The following PAN3 variants were observed in gnomAD, a reference collection of about 807,000 sequenced individuals.
PAN3 encodes poly(A) specific ribonuclease subunit PAN3.
PAN3 carries 19 observed loss-of-function variants against 96.2 expected under a neutral mutation model. The observed-to-expected ratio is 0.20, with a 90% CI of 0.14 to 0.29. The LOEUF is 0.29. Ranked by LOEUF, PAN3 falls within the 10% of genes least tolerant of loss-of-function variation. The pLI, the probability that PAN3 is intolerant of heterozygous loss-of-function variation, is 1.00. For synonymous variants in PAN3, 433 were observed against 406.6 expected (o/e 1.06, Z -0.78); for missense variants, 882 against 1,108.1 (o/e 0.80, Z 2.90).
At chr13:28,216,336 G>A (rs1451838120) in intron 5 of PAN3, among the ~76,000 whole-genome samples, 3 of 152,126 alleles carry the variant, frequency 2.0e-5, no homozygotes, top group Admixed American at 6.5e-5. Flanking sequence ...GAGCAGAGAG[G>A]GGTGGAAAGG....
intron 5 of PAN3, among the ~76,000 whole-genome samples, chr13:28,203,675 C>A (rs552556531): frequency 1.3e-5 from 2 of 152,238 alleles, no homozygotes; most frequent in South Asian, 4.1e-4. Flanking sequence ...TGTTAGAGAT[C>A]TTCCATCTTA....
chr13:28,151,152 G>C (rs1202378980), intron 1 of PAN3, among the ~76,000 whole-genome samples: 1 of 152,122 alleles, frequency 6.6e-6, no homozygotes, highest in Non-Finnish European at 1.5e-5. Flanking sequence ...TGTGGAGTGA[G>C]GAACAGGGAA....
intron 1 of PAN3, among the ~76,000 whole-genome samples, chr13:28,170,240 A>C (rs1308875764): frequency 1.3e-5 from 2 of 152,152 alleles, no homozygotes; most frequent in Non-Finnish European, 2.9e-5. Flanking sequence ...TATAGTGAAA[A>C]TAACTACCAG....
chr13:28,240,103 T>G (rs1051767366), intron 6 of PAN3: 3 of 152,416 alleles, frequency 2.0e-5, no homozygotes, highest in African/African-American at 7.2e-5. Context: ...AGTAAATATT[T>G]TGCTAGTTTA....
At chr13:28,149,980 A>G (rs1171105722) in intron 1 of PAN3, among the ~76,000 whole-genome samples, 8 of 152,190 alleles carry the variant, frequency 5.3e-5, no homozygotes, top group Non-Finnish European at 1.2e-4. Context: ...CAGCAGTTAT[A>G]TAGTTGGAAA....
intron 13 of PAN3, 111 bp downstream of exon 13, chr13:28,270,977 G>A: frequency 7.1e-5 from 75 of 1,053,616 alleles, no homozygotes; most frequent in South Asian, 3.2e-4. Context: ...CCATCCAGAA[G>A]AACTTCTGTA....
At chr13:28,164,648 C>G (rs2138046796) in intron 1 of PAN3, among the ~76,000 whole-genome samples, 1 of 152,316 alleles carries the variant, frequency 6.6e-6, no homozygotes, top group South Asian at 2.1e-4. Context: ...TACACACATC[C>G]TGGGAAGTTG....
rs554577213 is a variant in PAN3, at chr13:28,292,498, T to G, written c.2640T>G (p.Ile880Met). Reference protein sequence around the residue: ...RCFENTFQELIAAANGQL With the variant: ...RCFENTFQELMAAANGQL ...TTGAAAATACTTTTCAAGAACTGAT[T>G]GCAGCTGCAAATGGTCAGTTGTAGT... is the stretch of plus-strand genomic sequence containing the variant. The change falls in exon 19 of 19, where the codon ATT becomes ATG. Residue 880 changes from isoleucine (I) to methionine (M), a missense_variant. Ile to Met is a conservative substitution (Grantham distance 10). Transcript: ENST00000380958. 1.2e-6 allele frequency: 2 copies of G among 1,612,244 alleles called. No individual in the cohort carries two copies. Among genetic ancestry groups the G allele is most frequent in the Admixed American group, 3.3e-5 (2 of 59,836 alleles).
At chr13:28,142,553 G>T (rs1454250235) in intron 1 of PAN3, among the ~76,000 whole-genome samples, 1 of 146,824 alleles carries the variant, frequency 6.8e-6, no homozygotes, top group Non-Finnish European at 1.5e-5. Context: ...ACAGGCACTG[G>T]CTACCAAGCA....
chr13:28,267,977 A>T (rs967732527), intron 12 of PAN3, among the ~76,000 whole-genome samples: 2 of 152,246 alleles, frequency 1.3e-5, no homozygotes, highest in Admixed American at 1.3e-4. Flanking sequence ...TACTAAGATA[A>T]GATAGATTTT....
intron 1 of PAN3, among the ~76,000 whole-genome samples, chr13:28,141,826 A>G (rs1869893719): frequency 6.6e-6 from 1 of 152,188 alleles, no homozygotes; most frequent in Non-Finnish European, 1.5e-5. Context: ...GGATGTAAGC[A>G]GATGAAGATG....
chr13:28,272,019 C>G lies in PAN3; in HGVS notation c.1997C>G (p.Thr666Arg). 6.3e-7 allele frequency: 1 copy of G among 1,592,082 alleles called. No individual in the cohort carries two copies. Among genetic ancestry groups the G allele is most frequent in the Non-Finnish European group, 8.6e-7 (1 of 1,164,898 alleles). ...VNCVGVFDVL[T>R]FDNSQNNNPL... is the part of the protein sequence containing the mutation. ...TGTGTTGGAGTTTTTGATGTTTTAACATTTGATAACAGTCAAAATAATAAT... is the reference window on the plus strand; with the variant it reads ...TGTGTTGGAGTTTTTGATGTTTTAAGATTTGATAACAGTCAAAATAATAAT... Residue 666 changes from threonine to arginine, a missense_variant, in exon 14 of 19, where the codon ACA becomes AGA. By Grantham distance (71) the Thr-to-Arg change is moderately conservative (BLOSUM62 -1). Transcript: ENST00000380958.
intron 7 of PAN3, among the ~76,000 whole-genome samples, chr13:28,258,835 T>C (rs1885434270): frequency 6.6e-6 from 1 of 152,234 alleles, no homozygotes; most frequent in East Asian, 1.9e-4. Context: ...ATAGATCTTA[T>C]ACACATCCTC....
chr13:28,160,116 A>G (rs1223154864), intron 1 of PAN3, among the ~76,000 whole-genome samples: 3 of 151,648 alleles, frequency 2.0e-5, no homozygotes, highest in African/African-American at 4.8e-5. Context: ...CAATTTTTGT[A>G]TTTTTGGTAG....
At chr13:28,139,737 T>C (rs1169838033) in intron 1 of PAN3, among the ~76,000 whole-genome samples, 1 of 152,074 alleles carries the variant, frequency 6.6e-6, no homozygotes, top group African/African-American at 2.4e-5. Context: ...AGTAGGGATT[T>C]CACAAAGACG....
intron 5 of PAN3, among the ~76,000 whole-genome samples, chr13:28,218,978 C>G (rs1034101010): frequency 6.6e-6 from 1 of 152,168 alleles, no homozygotes; most frequent in Non-Finnish European, 1.5e-5. Context: ...CCGGCCCTGA[C>G]ATACTTTTCA....
At chr13:28,278,956 T>A (rs1887262229) in intron 15 of PAN3, among the ~76,000 whole-genome samples, 1 of 151,786 alleles carries the variant, frequency 6.6e-6, no homozygotes, top group Non-Finnish European at 1.5e-5. Context: ...TGAACAAAAT[T>A]CCCATCTTCT....
intron 6 of PAN3, among the ~76,000 whole-genome samples, chr13:28,224,815 G>GT (rs2138404650): frequency 1.3e-5 from 2 of 152,144 alleles, no homozygotes; most frequent in Admixed American, 1.3e-4. Flanking sequence ...GTAGAGACGA[G>GT]TTCTCACTAT....
In PAN3 at chr13:28,138,852, G is replaced by A; in HGVS notation, c.195G>A (p.Gln65=). 7.0e-7 allele frequency: 1 copy of A among 1,425,080 alleles called. No individual in the cohort carries two copies. The highest frequency in any genetic ancestry group is 9.1e-7 in the Non-Finnish European group (1 of 1,094,332). 88.3% of individuals were successfully genotyped at this position (1,425,080 alleles called of 1,614,324 possible). A position where few individuals can be genotyped will look rare whatever the true frequency, so the allele number is the denominator to read the frequency against. The change falls in exon 1 of 19, where the codon CAG becomes CAA. Residue 65 remains glutamine, a synonymous_variant. Coordinates refer to ENST00000380958, the MANE Select transcript of PAN3 (RefSeq NM_175854.8). ...CTTGCTTCTACGGGGAGGAGTGTCA[G>A]TTCCTGCATGAGGACCCTGCCGCCG... The part of the protein sequence containing the change: ...DKTCFYGEEC[Q]FLHEDPAAGA...
Sources: gnomAD v4.1 joint callset for allele counts (sites outside exome capture counted in the v4.1 genomes callset) on GRCh38, gnomAD v4.1.1 for gene constraint, MANE v1.5 for transcripts, NCBI Gene and HGNC (gene_info 2026-07-23, HGNC 2026-07-21) for gene names.